Variants in OTOP1 observed in about 807,000 individuals in gnomAD.
OTOP1 encodes otopetrin 1.
Under a neutral mutation model 52.9 loss-of-function variants are expected in OTOP1, and 59 were observed. The observed-to-expected ratio is 1.12, with a 90% confidence interval of 0.91 to 1.39. OTOP1 has a LOEUF of 1.39. Ranked by LOEUF, OTOP1 falls within the 40% of genes most tolerant of loss-of-function variation. The probability of loss-of-function intolerance (pLI) is 0.00; values close to 1 mark genes in which losing one functional copy is unlikely to be tolerated. For synonymous variants in OTOP1, 317 were observed against 337.7 expected, an observed-to-expected ratio of 0.94 and a Z score of 0.67; for missense variants, 761 against 800.9, an observed-to-expected ratio of 0.95 and a Z score of 0.60.
chr4:4,193,842 G>A (rs1037724514), intron 5 of OTOP1, among the ~76,000 whole-genome samples: 10 of 152,100 alleles, frequency 6.6e-5, no homozygotes, highest in Admixed American at 1.3e-4. Context: ...TTCACCCAGT[G>A]GTCAACCAAA....
intron 4 of OTOP1, among the ~76,000 whole-genome samples, 187 bp downstream of exon 4, chr4:4,202,261 C>T (rs1371480006): frequency 2.0e-5 from 3 of 152,166 alleles, no homozygotes; most frequent in East Asian, 3.9e-4. Context: ...ATGCTCAGTA[C>T]ACATCACTTA....
At chr4:4,208,948 C>A (rs1716968610) in intron 2 of OTOP1, among the ~76,000 whole-genome samples, 1 of 152,142 alleles carries the variant, frequency 6.6e-6, no homozygotes, top group Admixed American at 6.5e-5. Flanking sequence ...TTTACATAAT[C>A]CACTGAGAAA....
At chr4:4,193,347 A>G (rs2920170) in intron 5 of OTOP1, among the ~76,000 whole-genome samples, 4,291 of 152,076 alleles carry the variant, frequency 0.028, 212 homozygotes, top group African/African-American at 0.099. Flanking sequence ...GCCCTTCCCC[A>G]TCACCACACC....
chr4:4,204,321 G>C (rs933492919), intron 3 of OTOP1, among the ~76,000 whole-genome samples: 1 of 152,098 alleles, frequency 6.6e-6, no homozygotes, highest in African/African-American at 2.4e-5. Flanking sequence ...CTTCCCCGAG[G>C]TGCCTGGGAA....
rs1284599833 is a variant in OTOP1 at position 4,220,096 on chromosome 4, TATATATA to T, written c.403+6359_403+6365del. 3.2e-4 allele frequency among the ~76,000 whole-genome samples: 34 copies of T among 106,006 alleles called. 2 individuals carry two copies. The highest frequency in any genetic ancestry group is 2.0e-3 in the East Asian group (7 of 3,546). The allele number at this position is 106,006 out of a possible 152,430, so 69.5% of individuals were successfully genotyped here. A position where few individuals can be genotyped will look rare whatever the true frequency, so the allele number is the denominator to read the frequency against. On this transcript the variant is annotated intron_variant, in intron 1 of 5. Coordinates refer to ENST00000296358, the MANE Select transcript of OTOP1 (RefSeq NM_177998.3). ...ATATGTATACATATATATATATATA[TATATATA>T]TATTTTTTTTTTTTTTGAGATGGAG...
At chr4:4,221,055 A>G (rs1717291251) in intron 1 of OTOP1, among the ~76,000 whole-genome samples, 1 of 121,652 alleles carries the variant, frequency 8.2e-6, no homozygotes, top group Non-Finnish European at 1.6e-5. Flanking sequence ...ATTTTATTTT[A>G]TTTTATTTTA....
chr4:4,207,542 C>T (rs1183410384), intron 2 of OTOP1, among the ~76,000 whole-genome samples: 2 of 151,266 alleles, frequency 1.3e-5, no homozygotes, highest in South Asian at 2.1e-4. Context: ...TAAATAAATG[C>T]TTTTTGCTTT....
intron 5 of OTOP1, among the ~76,000 whole-genome samples, chr4:4,190,437 G>T (rs1221625126): frequency 6.6e-6 from 1 of 152,166 alleles, no homozygotes; most frequent in Non-Finnish European, 1.5e-5. Context: ...TCATGCCACT[G>T]CACTCCAGCC....
At chr4:4,226,325 T>C (rs1375646349) in intron 1 of OTOP1, 137 bp downstream of exon 1, 6 of 869,546 alleles carry the variant, frequency 6.9e-6, no homozygotes, top group Non-Finnish European at 9.5e-6. Flanking sequence ...ACAGGAAAGC[T>C]AGGAAAGATG....
At position 4,188,726 on chromosome 4, in the gene OTOP1, T is replaced by C. The variant is rs1716412811; in HGVS notation, c.*77A>G. The C allele has an allele frequency of 2.9e-6, 4 of 1,372,462 alleles. No individual in the cohort carries two copies. In the Admixed American group the frequency reaches 1.0e-4, roughly 35 times the overall value. 85.0% of individuals were successfully genotyped at this position (1,372,462 alleles called of 1,614,324 possible). A position where few individuals can be genotyped will look rare whatever the true frequency, so the allele number is the denominator to read the frequency against. On this transcript the variant is annotated 3_prime_UTR_variant, in exon 6 of 6. Coordinates refer to ENST00000296358, the MANE Select transcript of OTOP1 (RefSeq NM_177998.3). ...CCCTTCTCATATTTGTCAGGCAATA[T>C]TTGCCCAACCTGGCCACTCCTAGTT...
chr4:4,220,026 TACGTATATATGTATACATATATAC>T (rs1285476126), intron 1 of OTOP1, among the ~76,000 whole-genome samples: 2 of 96,586 alleles, frequency 2.1e-5, no homozygotes, highest in Non-Finnish European at 4.1e-5. Context: ...TACATGTATA[TACGTATATATGTATACATATATAC>T]ATATACGTGT....
chr4:4,193,528 C>A (rs1716557549), intron 5 of OTOP1, among the ~76,000 whole-genome samples: 1 of 146,222 alleles, frequency 6.8e-6, no homozygotes, highest in African/African-American at 2.6e-5. Context: ...CTGCCAGATG[C>A]CTTTGGCACC....
chr4:4,225,377 A>C (rs982912927), intron 1 of OTOP1, among the ~76,000 whole-genome samples: 6 of 152,108 alleles, frequency 3.9e-5, no homozygotes, highest in African/African-American at 1.4e-4. Context: ...TGAGAAAAGG[A>C]GACAACACAA....
At chr4:4,220,452 G>T (rs1434956831) in intron 1 of OTOP1, among the ~76,000 whole-genome samples, 1 of 152,118 alleles carries the variant, frequency 6.6e-6, no homozygotes, top group Admixed American at 6.5e-5. Context: ...GTAGAACATA[G>T]AGTGGCAGAG....
At chr4:4,191,997 C>G (rs1292355491) in intron 5 of OTOP1, among the ~76,000 whole-genome samples, 1 of 152,204 alleles carries the variant, frequency 6.6e-6, no homozygotes, top group Non-Finnish European at 1.5e-5. Context: ...ATCTTTATGT[C>G]TGCTGTTCAG....
chr4:4,224,356 A>C (rs951223338), intron 1 of OTOP1, among the ~76,000 whole-genome samples: 29 of 151,588 alleles, frequency 1.9e-4, no homozygotes, highest in Non-Finnish European at 3.2e-4. Context: ...CAAAAAAAAA[A>C]AATAAAGAAG....
In OTOP1 at chr4:4,206,178, T is replaced by A. The variant is rs1366987600; in HGVS notation, c.541-48A>T. 3 of 1,443,884 alleles carry A rather than the reference T, an allele frequency of 2.1e-6. No individual in the cohort carries two copies. The South Asian group carries it at 3.6e-5, about 17-fold the overall frequency. 89.4% of individuals were successfully genotyped at this position (1,443,884 alleles called of 1,614,324 possible). ...AAGAAAAATCGGTGAGACACTCATC[T>A]TTACACTTGCAAACTTGAGAAGCTA... On this transcript the variant is annotated intron_variant, in intron 2 of 5. Transcript: ENST00000296358.
At chr4:4,205,630 G>T (rs773740901) in intron 3 of OTOP1, among the ~76,000 whole-genome samples, 2 of 152,124 alleles carry the variant, frequency 1.3e-5, no homozygotes, top group Admixed American at 1.3e-4. Context: ...AGAGAAATAT[G>T]TTAGAACTTA....
At chr4:4,223,303 G>T (rs1297405847) in intron 1 of OTOP1, among the ~76,000 whole-genome samples, 4 of 152,188 alleles carry the variant, frequency 2.6e-5, no homozygotes, top group Admixed American at 1.3e-4. Context: ...TTGGGAAATG[G>T]TGCAACCATT....
Sources: gnomAD v4.1 joint callset for allele counts (sites outside exome capture counted in the v4.1 genomes callset) on GRCh38, gnomAD v4.1.1 for gene constraint, MANE v1.5 for transcripts, NCBI Gene and HGNC (gene_info 2026-07-23, HGNC 2026-07-21) for gene names.